The following LRRTM4 variants were observed in gnomAD, a reference collection of about 807,000 sequenced individuals.
LRRTM4 encodes leucine-rich repeat transmembrane neuronal protein 4.
Under a neutral mutation model 47.6 loss-of-function variants are expected in LRRTM4, and 25 were observed. That is an observed-to-expected ratio of 0.53 (90% CI 0.38 to 0.73). The LOEUF (loss-of-function observed/expected upper bound fraction) is 0.73, where lower values mean the gene tolerates loss of function less well. Among genes scored for constraint, LRRTM4 ranks in the 30% least tolerant of loss-of-function variants. LRRTM4 has a pLI of 0.00. For synonymous variants in LRRTM4, 311 were observed against 269.5 expected, an observed-to-expected ratio of 1.15 and a Z score of -1.51; for missense variants, 638 against 713.4, an observed-to-expected ratio of 0.89 and a Z score of 1.20.
At chr2:76,857,772 A>G (rs961607953) in intron 3 of LRRTM4, among the ~76,000 whole-genome samples, 4 of 152,134 alleles carry the variant, frequency 2.6e-5, no homozygotes, top group Middle Eastern at 3.2e-3. Context: ...GTTTTAACTG[A>G]TTCATTTTAA....
chr2:77,311,446 T>C (rs894592379), intron 3 of LRRTM4, among the ~76,000 whole-genome samples: 6 of 152,124 alleles, frequency 3.9e-5, no homozygotes, highest in African/African-American at 7.2e-5. Context: ...GAACACAACA[T>C]TGAATCATGT....
rs1270648700 is a variant in LRRTM4, at chr2:76,748,615, T to C, written c.*80A>G. ...ACGATGAGCTTGCTCGATTGCGCGA[T>C]TGTGGACACCCATTCTCCTTTAAGA... is the stretch of plus-strand genomic sequence containing the variant. On this transcript the variant is annotated 3_prime_UTR_variant, in exon 4 of 4. Transcript: ENST00000409884. 1 of 1,135,874 alleles carries C rather than the reference T, an allele frequency of 8.8e-7. No individual in the cohort carries two copies. Among genetic ancestry groups the C allele is most frequent in the East Asian group, 2.4e-5 (1 of 42,216 alleles). 70.4% of individuals were successfully genotyped at this position (1,135,874 alleles called of 1,614,324 possible). A position where few individuals can be genotyped will look rare whatever the true frequency, so the allele number is the denominator to read the frequency against.
chr2:76,972,383 C>T (rs371378369), intron 3 of LRRTM4, among the ~76,000 whole-genome samples: 1 of 148,912 alleles, frequency 6.7e-6, no homozygotes, highest in Non-Finnish European at 1.5e-5. Flanking sequence ...TGTATATCAT[C>T]GGTAGTCCAT....
chr2:77,432,085 A>G (rs1294422946), intron 3 of LRRTM4, among the ~76,000 whole-genome samples: 2 of 152,174 alleles, frequency 1.3e-5, no homozygotes, highest in Non-Finnish European at 2.9e-5. Flanking sequence ...AAAAAGAAAA[A>G]AAGAAAGAAA....
intron 3 of LRRTM4, among the ~76,000 whole-genome samples, chr2:76,812,776 C>CCCCTT (rs146074054): frequency 1.4e-3 from 116 of 85,672 alleles, no homozygotes; most frequent in African/African-American, 2.4e-3. Flanking sequence ...CTCTCCCTCC[C>CCCCTT]CCTCCTCCTC....
intron 3 of LRRTM4, among the ~76,000 whole-genome samples, chr2:76,793,276 G>C (rs1440687260): frequency 6.6e-6 from 1 of 152,112 alleles, no homozygotes; most frequent in African/African-American, 2.4e-5. Flanking sequence ...AGAGTGTTTA[G>C]ATACCAAGGG....
chr2:77,313,559 C>T (rs1433731774), intron 3 of LRRTM4, among the ~76,000 whole-genome samples: 1 of 152,142 alleles, frequency 6.6e-6, no homozygotes, highest in Non-Finnish European at 1.5e-5. Context: ...GCCTCCCTAC[C>T]TTTCCCTTCA....
intron 3 of LRRTM4, among the ~76,000 whole-genome samples, chr2:77,447,267 G>T (rs1376567592): frequency 6.6e-6 from 1 of 152,064 alleles, no homozygotes; most frequent in East Asian, 1.9e-4. Context: ...GTGTCTGTGT[G>T]TCTATGTGTG....
At chr2:77,202,730 G>A (rs1195890627) in intron 3 of LRRTM4, among the ~76,000 whole-genome samples, 1 of 151,656 alleles carries the variant, frequency 6.6e-6, no homozygotes, top group Non-Finnish European at 1.5e-5. Flanking sequence ...GCCAGTTCCA[G>A]GAAGCTGTTA....
intron 3 of LRRTM4, among the ~76,000 whole-genome samples, chr2:77,317,551 C>T (rs1453852235): frequency 3.3e-5 from 5 of 152,092 alleles, no homozygotes; most frequent in Non-Finnish European, 7.4e-5. Context: ...GAAAGATTAT[C>T]GTAAACACTA....
chr2:76,880,837 A>G (rs965493952), intron 3 of LRRTM4, among the ~76,000 whole-genome samples: 1 of 152,170 alleles, frequency 6.6e-6, no homozygotes, highest in Non-Finnish European at 1.5e-5. Context: ...CAAGAATCCA[A>G]TTGGTATTTG....
intron 3 of LRRTM4, among the ~76,000 whole-genome samples, chr2:76,761,861 A>G (rs1172191625): frequency 6.6e-6 from 1 of 152,232 alleles, no homozygotes; most frequent in Non-Finnish European, 1.5e-5. Context: ...TCTCTGCTTT[A>G]AAGCAACCTG....
At chr2:77,484,836 G>A (rs932928813) in intron 3 of LRRTM4, among the ~76,000 whole-genome samples, 7 of 151,912 alleles carry the variant, frequency 4.6e-5, no homozygotes, top group Non-Finnish European at 1.5e-5. Flanking sequence ...GAACAATGCT[G>A]CAATCACTGA....
chr2:77,137,754 G>A (rs4484052), intron 3 of LRRTM4, among the ~76,000 whole-genome samples: 4,333 of 152,104 alleles, frequency 0.028, 212 homozygotes, highest in African/African-American at 0.099. Context: ...GACACACATA[G>A]GCTCAAAATA....
intron 3 of LRRTM4, among the ~76,000 whole-genome samples, chr2:76,780,718 C>A (rs1341356212): frequency 6.6e-6 from 1 of 152,156 alleles, no homozygotes; most frequent in Non-Finnish European, 1.5e-5. Context: ...CCTCCCGTAG[C>A]TCAGAGTAAT....
chr2:77,340,345 T>C (rs577238781), intron 3 of LRRTM4, among the ~76,000 whole-genome samples: 11 of 151,990 alleles, frequency 7.2e-5, no homozygotes, highest in South Asian at 2.1e-4. Context: ...TCCAAGTTGG[T>C]ATTTTCAATC....
chr2:77,169,911 T>C (rs1443260658), intron 3 of LRRTM4, among the ~76,000 whole-genome samples: 1 of 152,208 alleles, frequency 6.6e-6, no homozygotes, highest in Non-Finnish European at 1.5e-5. Context: ...CTAAGTTTGT[T>C]GTGCGTTGTT....
chr2:77,388,327 A>G (rs1267643430), intron 3 of LRRTM4, among the ~76,000 whole-genome samples: 3 of 152,158 alleles, frequency 2.0e-5, no homozygotes, highest in Non-Finnish European at 4.4e-5. Flanking sequence ...AAAAGATCTT[A>G]TAACTACAAG....
At chr2:77,289,036 C>A (rs1244333869) in intron 3 of LRRTM4, among the ~76,000 whole-genome samples, 1 of 152,190 alleles carries the variant, frequency 6.6e-6, no homozygotes, top group Non-Finnish European at 1.5e-5. Flanking sequence ...TATAAATACA[C>A]TTATAATACG....
Sources: gnomAD v4.1 joint callset for allele counts (sites outside exome capture counted in the v4.1 genomes callset) on GRCh38, gnomAD v4.1.1 for gene constraint, MANE v1.5 for transcripts, NCBI Gene and HGNC (gene_info 2026-07-23, HGNC 2026-07-21) for gene names.